WASF3: variants seen among roughly 807,000 people sequenced by gnomAD.
WASF3 encodes actin-binding protein WASF3.
A neutral mutation model predicts 46.6 loss-of-function variants in WASF3; 11 were observed. The ratio of observed to expected loss-of-function variants is 0.24; its 90% CI spans 0.15 to 0.39. The LOEUF is 0.39. Among genes scored for constraint, WASF3 ranks in the 10% least tolerant of loss-of-function variants. The pLI is 1.00. For missense variants in WASF3, 576 were observed against 669.8 expected, an observed-to-expected ratio of 0.86 and a Z score of 1.55; for synonymous variants, 242 against 259.7, an observed-to-expected ratio of 0.93 and a Z score of 0.65.
At chr13:26,645,195 C>T (rs982518753) in intron 3 of WASF3, among the ~76,000 whole-genome samples, 4 of 152,146 alleles carry the variant, frequency 2.6e-5, no homozygotes, top group African/African-American at 9.7e-5. Context: ...GAGGTGGAGT[C>T]CTCATCAATA....
chr13:26,662,959 C>T (rs935465184), intron 3 of WASF3, among the ~76,000 whole-genome samples: 13 of 152,012 alleles, frequency 8.6e-5, no homozygotes, highest in African/African-American at 2.2e-4. Context: ...ATAGAAATGA[C>T]GTAGTCAGTT....
chr13:26,674,544 A>G (rs1883008230), intron 6 of WASF3, among the ~76,000 whole-genome samples: 1 of 152,234 alleles, frequency 6.6e-6, no homozygotes. Context: ...GCATTCATAA[A>G]TATTTGCATA....
At chr13:26,654,024 G>A (rs770610986) in intron 3 of WASF3, among the ~76,000 whole-genome samples, 22 of 152,248 alleles carry the variant, frequency 1.4e-4, no homozygotes, top group South Asian at 2.1e-4. Context: ...GTGAAATGAC[G>A]TCAGTCATCT....
the WASF3 span, among the ~76,000 whole-genome samples, chr13:26,547,938 T>A: frequency 7.7e-3 from 1,166 of 152,312 alleles, 4 homozygotes; most frequent in Middle Eastern, 0.014. Context: ...GACTGAGTCA[T>A]CTAATCATGC....
Position 26,637,587 on chromosome 13 carries a change from G to A in WASF3, c.-10-4674G>A, listed in dbSNP as rs78792688. Reference sequence around the variant, plus strand: ...AGCTGTTAACTGCTTGTTAACTGCAGTTCAGTATCCCGTTATCCTTATGCA... The same window carrying A: ...AGCTGTTAACTGCTTGTTAACTGCAATTCAGTATCCCGTTATCCTTATGCA... On this transcript the variant is annotated intron_variant, in intron 2 of 9. Coordinates refer to ENST00000335327, the MANE Select transcript of WASF3 (RefSeq NM_006646.6). Among the ~76,000 whole-genome samples, 1,056 of 152,308 alleles carry A rather than the reference G, an allele frequency of 6.9e-3. 8 individuals carry two copies. Among genetic ancestry groups the A allele is most frequent in the African/African-American group, 0.024 (978 of 41,552 alleles).
chr13:26,565,508 C>T (rs1879436932), intron 1 of WASF3, among the ~76,000 whole-genome samples: 2 of 152,030 alleles, frequency 1.3e-5, no homozygotes, highest in Admixed American at 6.5e-5. Flanking sequence ...TAAAAAAAAC[C>T]AGCCCTGTAG....
chr13:26,676,044 T>C (rs1883059693), intron 6 of WASF3, among the ~76,000 whole-genome samples: 1 of 152,236 alleles, frequency 6.6e-6, no homozygotes, highest in Non-Finnish European at 1.5e-5. Context: ...AGTTTTTATC[T>C]TGCTTAATTT....
At chr13:26,653,109 G>A (rs1370480377) in intron 3 of WASF3, among the ~76,000 whole-genome samples, 2 of 152,140 alleles carry the variant, frequency 1.3e-5, no homozygotes, top group African/African-American at 4.8e-5. Context: ...ACGCTGATAG[G>A]CTCTGCATCC....
chr13:26,555,549 G>T (rs556645324), upstream of WASF3, among the ~76,000 whole-genome samples: 35 of 152,178 alleles, frequency 2.3e-4, no homozygotes, highest in African/African-American at 7.9e-4. Flanking sequence ...CCAGGAAGAT[G>T]CAGACCCAAC....
At chr13:26,578,929 TG>T (rs1291580948) in intron 1 of WASF3, among the ~76,000 whole-genome samples, 1 of 151,616 alleles carries the variant, frequency 6.6e-6, no homozygotes, top group African/African-American at 2.4e-5. Context: ...TTGTCCTTTA[TG>T]ATAGTAGTTA....
intron 2 of WASF3, among the ~76,000 whole-genome samples, chr13:26,630,470 T>A (rs1299791084): frequency 6.6e-6 from 1 of 152,210 alleles, no homozygotes; most frequent in Non-Finnish European, 1.5e-5. Flanking sequence ...TCATCCATAT[T>A]CCTGCAAAGG....
At chr13:26,604,883 A>G (rs916919799) in intron 1 of WASF3, among the ~76,000 whole-genome samples, 2 of 152,212 alleles carry the variant, frequency 1.3e-5, no homozygotes, top group Admixed American at 6.5e-5. Flanking sequence ...AGATCAGCCA[A>G]GGACACAGTG....
In WASF3 at chr13:26,673,300, G is replaced by C. The variant is rs575479582; in HGVS notation, c.540+1311G>C. On this transcript the variant is annotated intron_variant, in intron 6 of 9. Coordinates refer to ENST00000335327, the MANE Select transcript of WASF3 (RefSeq NM_006646.6). ...GAATATTATGTCTTTAAAATCATTT[G>C]TTATTTCCTGTGCTGTTTTGTCTCA... 2.6e-3 allele frequency among the ~76,000 whole-genome samples: 401 copies of C among 152,152 alleles called. 1 individual carries two copies. The highest frequency in any genetic ancestry group is 4.5e-3 in the Non-Finnish European group (303 of 68,002).
chr13:26,627,705 G>A (rs1440979344), intron 2 of WASF3, among the ~76,000 whole-genome samples: 3 of 152,004 alleles, frequency 2.0e-5, no homozygotes, highest in Non-Finnish European at 2.9e-5. Context: ...ACATACAAAT[G>A]TTGGATAGAG....
intron 1 of WASF3, among the ~76,000 whole-genome samples, chr13:26,596,855 CTA>C (rs893392541): frequency 3.2e-4 from 48 of 152,174 alleles, no homozygotes; most frequent in African/African-American, 1.1e-3. Context: ...CCACCTTCTG[CTA>C]TGTCCAGTTT....
At chr13:26,677,938 T>C (rs1395912856) in intron 7 of WASF3, among the ~76,000 whole-genome samples, 1 of 152,192 alleles carries the variant, frequency 6.6e-6, no homozygotes, top group East Asian at 1.9e-4. Context: ...TTTTCAAAAA[T>C]AGATGCAGAT....
At chr13:26,592,836 G>A (rs1451029862) in intron 1 of WASF3, among the ~76,000 whole-genome samples, 2 of 152,028 alleles carry the variant, frequency 1.3e-5, no homozygotes, top group Non-Finnish European at 2.9e-5. Context: ...TCATTGAGCT[G>A]TGTATGCGTG....
At chr13:26,630,818 T>C (rs1881629692) in intron 2 of WASF3, among the ~76,000 whole-genome samples, 1 of 152,186 alleles carries the variant, frequency 6.6e-6, no homozygotes, top group Non-Finnish European at 1.5e-5. Context: ...CTCTCCAGCA[T>C]ATGTTGTTTC....
intron 2 of WASF3, among the ~76,000 whole-genome samples, chr13:26,615,213 G>A (rs1212337034): frequency 6.6e-6 from 1 of 151,992 alleles, no homozygotes; most frequent in East Asian, 1.9e-4. Context: ...TGACCTTCAT[G>A]TTAGAATGTA....
Sources: gnomAD v4.1 joint callset for allele counts (sites outside exome capture counted in the v4.1 genomes callset) on GRCh38, gnomAD v4.1.1 for gene constraint, MANE v1.5 for transcripts, NCBI Gene and HGNC (gene_info 2026-07-23, HGNC 2026-07-21) for gene names.